The following NKAIN3 variants were observed in gnomAD, a reference collection of about 807,000 sequenced individuals.
NKAIN3 encodes sodium/potassium-transporting ATPase subunit beta-1-interacting protein 3.
Under a neutral mutation model 30.2 loss-of-function variants are expected in NKAIN3, and 25 were observed. That is an observed-to-expected ratio of 0.83 (90% CI 0.60 to 1.16). The LOEUF is 1.16. NKAIN3 is among the 50% of genes most tolerant of loss of function. NKAIN3 has a pLI of 0.00. For synonymous variants in NKAIN3, 91 were observed against 89.6 expected (o/e 1.02, Z -0.09); for missense variants, 225 against 254.1 (o/e 0.89, Z 0.78).
chr8:62,630,992 G>A (rs1014527261), intron 3 of NKAIN3, among the ~76,000 whole-genome samples: 1 of 152,068 alleles, frequency 6.6e-6, no homozygotes, highest in Non-Finnish European at 1.5e-5. Context: ...AGAGAAATAC[G>A]TTTTTACTGT....
chr8:62,690,476 C>T (rs1469335855), intron 3 of NKAIN3, among the ~76,000 whole-genome samples: 1 of 152,244 alleles, frequency 6.6e-6, no homozygotes, highest in East Asian at 1.9e-4. Flanking sequence ...GTACACGCTA[C>T]TATGCTACGG....
In NKAIN3 at chr8:62,430,365, T is replaced by TGG. The variant is rs1214139200; in HGVS notation, c.55-149173_55-149172dup. ...CTCTGAGATACATACATATATATTGTGGTGTGTGTGTGTGTGTGTGTGTGT... is the reference window on the plus strand; with the variant it reads ...CTCTGAGATACATACATATATATTGTGGGGTGTGTGTGTGTGTGTGTGTGTGT... On this transcript the variant is annotated intron_variant, in intron 1 of 6. Coordinates refer to ENST00000623646, the MANE Select transcript of NKAIN3 (RefSeq NM_001304533.3). Among the ~76,000 whole-genome samples the TGG allele has an allele frequency of 1.0e-4, 9 of 89,468 alleles. No homozygotes were observed. In the South Asian group the frequency reaches 1.8e-3, roughly 17 times the overall value. The allele number at this position is 89,468 out of a possible 152,430, so 58.7% of individuals were successfully genotyped here.
intron 4 of NKAIN3, among the ~76,000 whole-genome samples, chr8:62,918,216 T>C (rs1822166570): frequency 6.6e-6 from 1 of 152,204 alleles, no homozygotes. Flanking sequence ...AAAATCTAAG[T>C]GAAATATCTA....
At chr8:62,514,335 T>C (rs542363069) in intron 1 of NKAIN3, among the ~76,000 whole-genome samples, 6 of 152,256 alleles carry the variant, frequency 3.9e-5, no homozygotes, top group Non-Finnish European at 7.4e-5. Flanking sequence ...CTATGAGATG[T>C]GCTTTAAAAC....
intron 4 of NKAIN3, among the ~76,000 whole-genome samples, chr8:62,794,433 A>T (rs985729783): frequency 2.6e-5 from 4 of 152,182 alleles, no homozygotes; most frequent in African/African-American, 9.7e-5. Flanking sequence ...AGAGCTCAGT[A>T]ACAGTACTTA....
intron 3 of NKAIN3, among the ~76,000 whole-genome samples, chr8:62,609,997 G>C (rs1285338596): frequency 6.6e-6 from 1 of 152,102 alleles, no homozygotes; most frequent in Non-Finnish European, 1.5e-5. Context: ...TTACTGTGTA[G>C]GGGACAAGAG....
At chr8:62,567,735 G>A (rs1809802567) in intron 1 of NKAIN3, among the ~76,000 whole-genome samples, 1 of 151,978 alleles carries the variant, frequency 6.6e-6, no homozygotes, top group South Asian at 2.1e-4. Flanking sequence ...CTCCCCTATG[G>A]CCTCCAGAAG....
intron 4 of NKAIN3, among the ~76,000 whole-genome samples, chr8:62,870,752 TAGATATATAG>T (rs1234212833): frequency 2.0e-5 from 3 of 146,518 alleles, no homozygotes; most frequent in Non-Finnish European, 4.5e-5. Context: ...TCTAGATATC[TAGATATATAG>T]ATATATATAG....
At chr8:62,738,130 C>T (rs1344272031) in intron 3 of NKAIN3, among the ~76,000 whole-genome samples, 1 of 152,170 alleles carries the variant, frequency 6.6e-6, no homozygotes, top group Non-Finnish European at 1.5e-5. Context: ...ACACTCCCAC[C>T]AACAGTGTAA....
At chr8:62,586,689 G>T (rs1393455553) in intron 2 of NKAIN3, among the ~76,000 whole-genome samples, 1 of 151,964 alleles carries the variant, frequency 6.6e-6, no homozygotes, top group African/African-American at 2.4e-5. Flanking sequence ...ATTGCTTGAT[G>T]GGGAAGAAAT....
intron 1 of NKAIN3, among the ~76,000 whole-genome samples, chr8:62,294,970 T>C (rs1813780407): frequency 6.6e-6 from 1 of 152,180 alleles, no homozygotes; most frequent in Non-Finnish European, 1.5e-5. Context: ...TTCTGGGGCA[T>C]GTTCCAGTGT....
At position 62,820,216 on chromosome 8, in the gene NKAIN3, T is replaced by C. The variant is rs138812933; in HGVS notation, c.471+73087T>C. Among the ~76,000 whole-genome samples, 444 of 152,268 alleles carry C rather than the reference T, an allele frequency of 2.9e-3. 5 individuals carry two copies. In the South Asian group the frequency reaches 0.031, roughly 11 times the overall value. On this transcript the variant is annotated intron_variant, in intron 4 of 6. Coordinates refer to ENST00000623646, the MANE Select transcript of NKAIN3 (RefSeq NM_001304533.3). ...ATAACAGAGCTGTGTTTGTTTTGTA[T>C]GTATCTCAGGTAGTGATATGGAGTA... is the stretch of plus-strand genomic sequence containing the variant.
At chr8:62,788,511 T>A (rs1817597096) in intron 4 of NKAIN3, among the ~76,000 whole-genome samples, 1 of 152,244 alleles carries the variant, frequency 6.6e-6, no homozygotes, top group Non-Finnish European at 1.5e-5. Context: ...GGTGGTTTCT[T>A]TTGCTGTGCA....
intron 2 of NKAIN3, among the ~76,000 whole-genome samples, chr8:62,582,393 T>A (rs1810332786): frequency 6.6e-6 from 1 of 152,070 alleles, no homozygotes. Flanking sequence ...CAAACAATTG[T>A]CCACATAAAT....
At chr8:62,650,073 G>GA (rs965015472) in intron 3 of NKAIN3, among the ~76,000 whole-genome samples, 7 of 150,570 alleles carry the variant, frequency 4.6e-5, no homozygotes, top group South Asian at 4.2e-4. Context: ...TCTGATGGCT[G>GA]AAAAAAAAAC....
intron 1 of NKAIN3, among the ~76,000 whole-genome samples, chr8:62,539,735 G>T (rs904187171): frequency 5.9e-5 from 9 of 152,084 alleles, no homozygotes; most frequent in Non-Finnish European, 1.2e-4. Context: ...GACTACAGGT[G>T]TGCACAACCA....
intron 1 of NKAIN3, among the ~76,000 whole-genome samples, chr8:62,294,224 A>G (rs1467291808): frequency 3.3e-5 from 5 of 152,078 alleles, no homozygotes. Flanking sequence ...GGCTGCACCC[A>G]CTGTCTGACA....
intron 3 of NKAIN3, among the ~76,000 whole-genome samples, chr8:62,736,663 C>G (rs1815686922): frequency 6.6e-6 from 1 of 152,164 alleles, no homozygotes; most frequent in Non-Finnish European, 1.5e-5. Flanking sequence ...TCCCCACCTG[C>G]CAATGGCTTC....
rs1823681592 is a variant in NKAIN3 at position 62,965,405 on chromosome 8, TA to T, written c.656del (p.Ter219TrpfsTer17). ...EPEMRLLNLT[*>X] is the part of the protein sequence containing the mutation. ...AGAAATGCGGCTGCTGAACTTGACT[TA>T]GGGAGCAAAGGACCATTGACTGCGC... is the stretch of plus-strand genomic sequence containing the variant. On this transcript the variant is annotated frameshift_variant and stop_lost, in exon 7 of 7. Transcript: ENST00000623646. LOFTEE classifies it high-confidence loss of function. 4.1e-6 allele frequency: 4 copies of T among 985,594 alleles called. No homozygotes were observed. The highest frequency in any genetic ancestry group is 4.8e-6 in the Non-Finnish European group (4 of 829,902). The allele number at this position is 985,594 out of a possible 1,614,324, so 61.1% of individuals were successfully genotyped here. A position where few individuals can be genotyped will look rare whatever the true frequency, so the allele number is the denominator to read the frequency against.
Sources: gnomAD v4.1 joint callset for allele counts (sites outside exome capture counted in the v4.1 genomes callset) on GRCh38, gnomAD v4.1.1 for gene constraint, MANE v1.5 for transcripts, NCBI Gene and HGNC (gene_info 2026-07-23, HGNC 2026-07-21) for gene names.